TNF: variants seen among roughly 807,000 people sequenced by gnomAD.
The protein encoded by TNF is APC1 protein.
TNF carries 7 observed loss-of-function variants against 21.8 expected under a neutral mutation model. The observed-to-expected ratio is 0.32, with a 90% CI of 0.18 to 0.60. The LOEUF (loss-of-function observed/expected upper bound fraction) is 0.60, where lower values mean the gene tolerates loss of function less well. Among genes scored for constraint, TNF ranks in the 20% least tolerant of loss-of-function variants. The probability of loss-of-function intolerance (pLI) is 0.84; values close to 1 mark genes in which losing one functional copy is unlikely to be tolerated. For synonymous variants in TNF, 123 were observed against 130.2 expected, an observed-to-expected ratio of 0.94 and a Z score of 0.38; for missense variants, 216 against 296.6, an observed-to-expected ratio of 0.73 and a Z score of 2.00.
chr6:31,575,917 A>G lies in TNF; in HGVS notation c.176A>G (p.Gln59Arg), dbSNP rs1485010267. 7 of 1,553,048 alleles carry G rather than the reference A, an allele frequency of 4.5e-6. No individual in the cohort carries two copies. Among genetic ancestry groups the G allele is most frequent in the African/African-American group, 2.8e-5 (2 of 72,064 alleles). The change falls in exon 1 of 4, where the codon CAG becomes CGG. Residue 59 changes from glutamine to arginine, a missense_variant. By Grantham distance (43) the Gln-to-Arg change is conservative (BLOSUM62 1). This residue lies in a region of TNF where 118 missense variants were observed against 127.1 expected (regional missense o/e 0.93). Transcript: ENST00000449264. This position sits in a 1 kb window ranked among gnomAD's most constrained non-coding sequence, Gnocchi z 6.2. ...CTGCACTTTGGAGTGATCGGCCCCC[A>G]GAGGGAAGAGGTGAGTGCCTGGCCA... Reference protein sequence around the residue: ...CLLHFGVIGPQREEFPRDLSL... With the variant: ...CLLHFGVIGPRREEFPRDLSL...
intron 3 of TNF, 127 bp from the exon 4 acceptor site, chr6:31,576,989 G>C (rs770957521): frequency 2.9e-4 from 403 of 1,375,776 alleles, no homozygotes; most frequent in Non-Finnish European, 3.5e-4. Context: ...TGGCCAGGTG[G>C]GATGTGGGAT....
In TNF at chr6:31,577,381, A is replaced by C. The variant is rs770403685; in HGVS notation, c.546A>C (p.Pro182=). 1.8e-5 allele frequency: 29 copies of C among 1,612,946 alleles called. No homozygotes were observed. Among genetic ancestry groups the C allele is most frequent in the Non-Finnish European group, 2.2e-5 (26 of 1,179,950 alleles). The change falls in exon 4 of 4, where the codon CCA becomes CCC. Residue 182 remains proline (P), a synonymous_variant. Transcript: ENST00000449264. This position sits in a 1 kb window ranked among gnomAD's most constrained non-coding sequence, Gnocchi z 7.7. ...AIKSPCQRET[P]EGAEAKPWYE... is the part of the protein sequence containing the mutation. Reference sequence around the variant, plus strand: ...AGAGCCCCTGCCAGAGGGAGACCCCAGAGGGGGCTGAGGCCAAGCCCTGGT... The same window carrying C: ...AGAGCCCCTGCCAGAGGGAGACCCCCGAGGGGGCTGAGGCCAAGCCCTGGT...
chr6:31,576,074 A>G, intron 1 of TNF, 147 bp downstream of exon 1: 1 of 838,066 alleles, frequency 1.2e-6, no homozygotes, highest in Non-Finnish European at 1.7e-6. Context: ...GGATGCAGAA[A>G]GAGATGTGGC....
Position 31,577,733 on chromosome 6 carries a change from G to T in TNF, c.*196G>T, listed in dbSNP as rs1349974056. 1.4e-6 allele frequency: 1 copy of T among 705,898 alleles called. No individual in the cohort carries two copies. Among genetic ancestry groups the T allele is most frequent in the Non-Finnish European group, 2.5e-6 (1 of 407,104 alleles). The allele number at this position is 705,898 out of a possible 1,614,324, so 43.7% of individuals were successfully genotyped here. On this transcript the variant is annotated 3_prime_UTR_variant, in exon 4 of 4. Transcript: ENST00000449264. This position sits in a 1 kb window ranked among gnomAD's most constrained non-coding sequence, Gnocchi z 7.7. ...TTCAGGAATGTGTGGCCTGCACAGT[G>T]AAGTGCTGGCAACCACTAAGAATTC...
At position 31,577,276 on chromosome 6, in the gene TNF, C is replaced by T; in HGVS notation, c.441C>T (p.Ser147=). ...TCTTCAAGGGCCAAGGCTGCCCCTC[C>T]ACCCATGTGCTCCTCACCCACACCA... ...QVLFKGQGCP[S]THVLLTHTIS... Residue 147 remains serine (S), a synonymous_variant, in exon 4 of 4, where the codon TCC becomes TCT. Transcript: ENST00000449264. This position sits in a 1 kb window ranked among gnomAD's most constrained non-coding sequence, Gnocchi z 7.7. The T allele has an allele frequency of 6.2e-7, 1 of 1,613,232 alleles. No homozygotes were observed. Among genetic ancestry groups the T allele is most frequent in the South Asian group, 1.1e-5 (1 of 91,090 alleles).
At position 31,575,960 on chromosome 6, in the gene TNF, C is replaced by T; in HGVS notation, c.186+33C>T. 2 of 1,462,586 alleles carry T rather than the reference C, an allele frequency of 1.4e-6. No homozygotes were observed. The highest frequency in any genetic ancestry group is 2.9e-5 in the African/African-American group (2 of 69,164). The allele number at this position is 1,462,586 out of a possible 1,614,324, so 90.6% of individuals were successfully genotyped here. On this transcript the variant is annotated intron_variant, in intron 1 of 3. Transcript: ENST00000449264. The surrounding 1 kb of genome is among the most constrained non-coding windows in gnomAD (Gnocchi z 6.2). ...CCTGGCCAGCCTTCATCCACTCTCC[C>T]ACCCAAGGGGAAATGGAGACGCAAG... is the stretch of plus-strand genomic sequence containing the variant.
At chr6:31,576,416 G>T in intron 1 of TNF, 118 bp from the exon 2 acceptor site, 1 of 962,622 alleles carries the variant, frequency 1.0e-6, no homozygotes, top group South Asian at 1.5e-5. Context: ...ATACACAGAT[G>T]AATGGAGAGA....
Position 31,575,634 on chromosome 6 carries a change from CT to C in TNF, c.-107del, listed in dbSNP as rs1207383941. 2.5e-4 allele frequency: 282 copies of C among 1,109,918 alleles called. 1 individual carries two copies. Among genetic ancestry groups the C allele is most frequent in the South Asian group, 8.3e-4 (51 of 61,166 alleles). The allele number at this position is 1,109,918 out of a possible 1,614,324, so 68.8% of individuals were successfully genotyped here. A position where few individuals can be genotyped will look rare whatever the true frequency, so the allele number is the denominator to read the frequency against. ...GGAGAGAAGCAACTACAGACCCCCC[CT>C]GAAAACAACCCTCAGACGCCACATC... On this transcript the variant is annotated 5_prime_UTR_variant, in exon 1 of 4. Coordinates refer to ENST00000449264, the MANE Select transcript of TNF (RefSeq NM_000594.4). This position sits in a 1 kb window ranked among gnomAD's most constrained non-coding sequence, Gnocchi z 6.2.
Position 31,576,419 on chromosome 6 carries a change from T to C in TNF, c.187-115T>C, listed in dbSNP as rs896882312. The C allele has an allele frequency of 5.1e-6, 5 of 985,168 alleles. No individual in the cohort carries two copies. In the Admixed American group the frequency reaches 6.5e-5, roughly 13 times the overall value. 61.0% of individuals were successfully genotyped at this position (985,168 alleles called of 1,614,324 possible). Reference sequence around the variant, plus strand: ...CCTGGAAGGTGAATACACAGATGAATGGAGAGAGAAAACCAGACACCTCAG... The same window carrying C: ...CCTGGAAGGTGAATACACAGATGAACGGAGAGAGAAAACCAGACACCTCAG... On this transcript the variant is annotated intron_variant, in intron 1 of 3. Transcript: ENST00000449264.
chr6:31,577,451 G>T lies in TNF; in HGVS notation c.616G>T (p.Asp206Tyr). ...LGGVFQLEKG[D>Y]RLSAEINRPD... ...AGGGGTCTTCCAGCTGGAGAAGGGTGACCGACTCAGCGCTGAGATCAATCG... is the reference window on the plus strand; with the variant it reads ...AGGGGTCTTCCAGCTGGAGAAGGGTTACCGACTCAGCGCTGAGATCAATCG... The change falls in exon 4 of 4, where the codon GAC (aspartate) becomes TAC (tyrosine). Residue 206 changes from aspartate (D) to tyrosine (Y), a missense_variant. Coordinates refer to ENST00000449264, the MANE Select transcript of TNF (RefSeq NM_000594.4). This position sits in a 1 kb window ranked among gnomAD's most constrained non-coding sequence, Gnocchi z 7.7. 1 of 1,613,114 alleles carries T rather than the reference G, an allele frequency of 6.2e-7. No homozygotes were observed. The highest frequency in any genetic ancestry group is 8.5e-7 in the Non-Finnish European group (1 of 1,180,036).
rs2228088 is a variant in TNF, at chr6:31,575,828, G to A, written c.87G>A (p.Arg29=). 3.7e-6 allele frequency: 6 copies of A among 1,612,604 alleles called. No homozygotes were observed. The highest frequency in any genetic ancestry group is 8.5e-7 in the Non-Finnish European group (1 of 1,179,404). ...CAGGGGGGCCCCAGGGCTCCAGGCG[G>A]TGCTTGTTCCTCAGCCTCTTCTCCT... ...KKTGGPQGSR[R]CLFLSLFSFL... is the part of the protein sequence containing the mutation. Residue 29 remains arginine (R), a synonymous_variant, in exon 1 of 4, where the codon CGG becomes CGA. Transcript: ENST00000449264. The surrounding 1 kb of genome is among the most constrained non-coding windows in gnomAD (Gnocchi z 6.2).
At chr6:31,576,465 C>T in intron 1 of TNF, 69 bp from the exon 2 acceptor site, 2 of 1,523,590 alleles carry the variant, frequency 1.3e-6, no homozygotes, top group Non-Finnish European at 1.8e-6. Flanking sequence ...GCAGGCCAGA[C>T]AGGCAGCCAG....
chr6:31,576,875 G>T lies in TNF; in HGVS notation c.280+61G>T, dbSNP rs4645844. On this transcript the variant is annotated intron_variant, in intron 3 of 3. Coordinates refer to ENST00000449264, the MANE Select transcript of TNF (RefSeq NM_000594.4). ...GGCTAGGATTTGGGGATTGAAGCCC[G>T]GCTGATGGTAGGCAGAACTTGGAGA... 8.8e-6 allele frequency: 14 copies of T among 1,582,212 alleles called. 1 individual carries two copies. In the South Asian group the frequency reaches 1.5e-4, roughly 18 times the overall value.
intron 3 of TNF, 137 bp downstream of exon 3, chr6:31,576,951 A>G (rs956575648): frequency 4.4e-6 from 6 of 1,350,586 alleles, no homozygotes; most frequent in Admixed American, 3.5e-5. Flanking sequence ...GGAACAGCAC[A>G]GGCCTTAGTG....
Position 31,577,753 on chromosome 6 carries a change from G to A in TNF, c.*216G>A. 1 of 645,578 alleles carries A rather than the reference G, an allele frequency of 1.5e-6. No homozygotes were observed. The highest frequency in any genetic ancestry group is 1.8e-5 in the South Asian group (1 of 55,306). The allele number at this position is 645,578 out of a possible 1,614,324, so 40.0% of individuals were successfully genotyped here. A position where few individuals can be genotyped will look rare whatever the true frequency, so the allele number is the denominator to read the frequency against. The stretch of plus-strand genomic sequence containing the variant: ...ACAGTGAAGTGCTGGCAACCACTAA[G>A]AATTCAAACTGGGGCCTCCAGAACT... On this transcript the variant is annotated 3_prime_UTR_variant, in exon 4 of 4. Coordinates refer to ENST00000449264, the MANE Select transcript of TNF (RefSeq NM_000594.4). This position sits in a 1 kb window ranked among gnomAD's most constrained non-coding sequence, Gnocchi z 7.7.
chr6:31,576,391 AT>A, intron 1 of TNF, 142 bp from the exon 2 acceptor site: 1 of 765,022 alleles, frequency 1.3e-6, no homozygotes, highest in South Asian at 1.7e-5. Context: ...GAGCTGTTGA[AT>A]GCCTGGAAGG....
intron 1 of TNF, among the ~76,000 whole-genome samples, 177 bp downstream of exon 1, chr6:31,576,104 G>A (rs1771168475): frequency 6.6e-6 from 1 of 152,162 alleles, no homozygotes; most frequent in African/African-American, 2.4e-5. Flanking sequence ...GGAAGAGAGA[G>A]AGAGAAAGAT....
Position 31,575,892 on chromosome 6 carries a change from C to T in TNF, c.151C>T (p.Leu51=), listed in dbSNP as rs2150388663. The T allele has an allele frequency of 1.2e-6, 2 of 1,604,616 alleles. No individual in the cohort carries two copies. The highest frequency in any genetic ancestry group is 2.2e-5 in the South Asian group (2 of 89,990). Residue 51 remains leucine (L), a synonymous_variant, in exon 1 of 4, where the codon CTG becomes TTG. Transcript: ENST00000449264. This position sits in a 1 kb window ranked among gnomAD's most constrained non-coding sequence, Gnocchi z 6.2. ...VAGATTLFCL[L]HFGVIGPQRE... The stretch of plus-strand genomic sequence containing the variant: ...AGGCGCCACCACGCTCTTCTGCCTG[C>T]TGCACTTTGGAGTGATCGGCCCCCA...
At position 31,577,143 on chromosome 6, in the gene TNF, A is replaced by T; in HGVS notation, c.308A>T (p.Gln103Leu). 6.2e-7 allele frequency: 1 copy of T among 1,611,698 alleles called. No individual in the cohort carries two copies. Reference protein sequence around the residue: ...VANPQAEGQLQWLNRRANALL... With the variant: ...VANPQAEGQLLWLNRRANALL... ...AACCCTCAAGCTGAGGGGCAGCTCC[A>T]GTGGCTGAACCGCCGGGCCAATGCC... The change falls in exon 4 of 4, where the codon CAG becomes CTG. Residue 103 changes from glutamine to leucine, a missense_variant. Coordinates refer to ENST00000449264, the MANE Select transcript of TNF (RefSeq NM_000594.4). This position sits in a 1 kb window ranked among gnomAD's most constrained non-coding sequence, Gnocchi z 7.7.
Sources: gnomAD v4.1 joint callset for allele counts (sites outside exome capture counted in the v4.1 genomes callset) on GRCh38, gnomAD v4.1.1 for gene constraint, gnomAD v4.1.1 regional missense constraint, Gnocchi (gnomAD v3.1) non-coding constraint, MANE v1.5 for transcripts, NCBI Gene and HGNC (gene_info 2026-07-23, HGNC 2026-07-21) for gene names.